APOOL: variants seen among roughly 807,000 people sequenced by gnomAD.
The protein encoded by APOOL is apolipoprotein O like.
APOOL carries 12 observed loss-of-function variants against 23.1 expected under a neutral mutation model. That is an observed-to-expected ratio of 0.52 (90% confidence interval 0.33 to 0.84). The LOEUF (loss-of-function observed/expected upper bound fraction) is 0.84. Ranked by LOEUF, APOOL falls within the 40% of genes least tolerant of loss-of-function variation. The pLI is 0.02. For synonymous variants in APOOL, 77 were observed against 69.9 expected, an observed-to-expected ratio of 1.10 and a Z score of -0.51; for missense variants, 212 against 199.6, an observed-to-expected ratio of 1.06 and a Z score of -0.37.
At chrX:85,003,950 A>T (rs918810361) in intron 1 of APOOL, 23 bp downstream of exon 1, 2 of 1,211,088 alleles carry the variant, frequency 1.7e-6, no homozygotes, top group Admixed American at 4.3e-5. Flanking sequence ...CAACTTGCTT[A>T]ATTTCTGTGG....
intron 2 of APOOL, among the ~76,000 whole-genome samples, chrX:85,049,502 C>T (rs948742965): frequency 1.8e-5 from 2 of 111,509 alleles, no homozygotes; most frequent in African/African-American, 3.3e-5. Context: ...AACCTGAACC[C>T]GTGAGGCGCA....
chrX:85,069,313 T>G (rs776431602), intron 6 of APOOL, among the ~76,000 whole-genome samples: 11 of 111,236 alleles, frequency 9.9e-5, no homozygotes, highest in African/African-American at 3.6e-4. Context: ...GACCAGTAGT[T>G]AACAATTAAT....
intron 6 of APOOL, among the ~76,000 whole-genome samples, chrX:85,069,106 A>G (rs1190542246): frequency 2.7e-5 from 3 of 111,650 alleles, no homozygotes; most frequent in Admixed American, 9.5e-5. Flanking sequence ...TTGTTACTTT[A>G]ATTCTTAGAG....
intron 1 of APOOL, among the ~76,000 whole-genome samples, chrX:85,010,026 A>T (rs1921222503): frequency 9.0e-6 from 1 of 111,432 alleles, no homozygotes; most frequent in Non-Finnish European, 1.9e-5. Context: ...ATATGTACCA[A>T]TTTTTTTAAT....
At chrX:85,017,705 C>T (rs1242798868) in intron 1 of APOOL, among the ~76,000 whole-genome samples, 1 of 111,493 alleles carries the variant, frequency 9.0e-6, no homozygotes, top group Non-Finnish European at 1.9e-5. Flanking sequence ...TGAGTGCCTA[C>T]GAGGTCCTTC....
rs199706648 is a variant in APOOL at position 85,064,363 on chromosome X, A to AT, written c.395-2759dup. ...GGATTTTTTTTTTTTTTTTGAGGGG[A>AT]TTTTTGTGCCTTTGTCACCTTCAGC... On this transcript the variant is annotated intron_variant, in intron 5 of 8. Coordinates refer to ENST00000373173, the MANE Select transcript of APOOL (RefSeq NM_198450.6). Among the ~76,000 whole-genome samples, 693 of 47,634 alleles carry AT rather than the reference A, an allele frequency of 0.015. 60 individuals are homozygous for AT. The East Asian group carries it at 0.26, about 18-fold the overall frequency. 41.4% of individuals were successfully genotyped at this position (47,634 alleles called of 115,157 possible). A position where few individuals can be genotyped will look rare whatever the true frequency, so the allele number is the denominator to read the frequency against.
In APOOL at chrX:85,087,666, C is replaced by T; in HGVS notation, c.795C>T (p.Ser265=). 1.7e-6 allele frequency: 2 copies of T among 1,187,809 alleles called. No individual in the cohort carries two copies. The highest frequency in any genetic ancestry group is 2.3e-6 in the Non-Finnish European group (2 of 883,398). ...QSHPEDIDMY[S]TRS ...ACCCAGAAGATATAGATATGTACAG[C>T]ACTAGAAGCTGAAGTAGACTGCATG... Residue 265 remains serine (S), a synonymous_variant, in exon 9 of 9, where the codon AGC becomes AGT. Coordinates refer to ENST00000373173, the MANE Select transcript of APOOL (RefSeq NM_198450.6).
At chrX:85,020,337 C>T (rs778890790) in intron 1 of APOOL, among the ~76,000 whole-genome samples, 5 of 111,707 alleles carry the variant, frequency 4.5e-5, no homozygotes, top group South Asian at 3.8e-4. Flanking sequence ...GCAGGAGGGA[C>T]GGTCAGTTTT....
chrX:85,035,908 G>A (rs753290985), intron 1 of APOOL, among the ~76,000 whole-genome samples: 3 of 112,102 alleles, frequency 2.7e-5, no homozygotes, highest in Non-Finnish European at 5.6e-5. Context: ...AAGTCAGGAA[G>A]TGTGATGACA....
intron 1 of APOOL, among the ~76,000 whole-genome samples, chrX:85,004,682 A>G (rs1332690195): frequency 8.9e-6 from 1 of 112,075 alleles, no homozygotes; most frequent in African/African-American, 3.2e-5. Flanking sequence ...CTCATACTTC[A>G]TCTGAGTTAT....
chrX:85,087,449 A>C (rs1272984734), intron 8 of APOOL, 141 bp from the exon 9 acceptor site: 2 of 457,868 alleles, frequency 4.4e-6, no homozygotes, highest in African/African-American at 5.0e-5. Flanking sequence ...ATATTTAATT[A>C]GTTTGTCTGT....
At position 85,075,652 on chromosome X, in the gene APOOL, C is replaced by A. The variant is rs185522268; in HGVS notation, c.718+1261C>A. Among the ~76,000 whole-genome samples, 204 of 111,561 alleles carry A rather than the reference C, an allele frequency of 1.8e-3. 1 individual carries two copies. Among genetic ancestry groups the A allele is most frequent in the African/African-American group, 6.3e-3 (195 of 30,795 alleles). On this transcript the variant is annotated intron_variant, in intron 8 of 8. Coordinates refer to ENST00000373173, the MANE Select transcript of APOOL (RefSeq NM_198450.6). Reference sequence around the variant, plus strand: ...TAATGTATGGTCATTTTTCCACATGCCTTTTAATTCCAGAGTATCTTTATG... The same window carrying A: ...TAATGTATGGTCATTTTTCCACATGACTTTTAATTCCAGAGTATCTTTATG...
chrX:85,053,819 C>T (rs1922861038), intron 3 of APOOL, among the ~76,000 whole-genome samples: 1 of 111,587 alleles, frequency 9.0e-6, no homozygotes, highest in Non-Finnish European at 1.9e-5. Context: ...AGGATAAACA[C>T]TGGTCTATGT....
chrX:85,048,081 C>G (rs145331525), intron 2 of APOOL, among the ~76,000 whole-genome samples: 1 of 110,773 alleles, frequency 9.0e-6, no homozygotes, highest in African/African-American at 3.3e-5. Flanking sequence ...TTCTATAAGC[C>G]GAAGTGTAGG....
At chrX:85,085,842 A>C (rs1371931116) in intron 8 of APOOL, among the ~76,000 whole-genome samples, 1 of 111,854 alleles carries the variant, frequency 8.9e-6, no homozygotes, top group Non-Finnish European at 1.9e-5. Context: ...TAGTTGTATG[A>C]GATTTTTACT....
chrX:85,085,261 A>C (rs974949382), intron 8 of APOOL, among the ~76,000 whole-genome samples: 2 of 111,930 alleles, frequency 1.8e-5, no homozygotes, highest in Admixed American at 1.9e-4. Flanking sequence ...GGTACTGCTG[A>C]TACTACTGTG....
In APOOL at chrX:85,067,666, A is replaced by ACACACACG. The variant is rs1243692510; in HGVS notation, c.486+449_486+450insACACACGC. 3.7e-5 allele frequency among the ~76,000 whole-genome samples: 4 copies of ACACACACG among 107,854 alleles called. No individual in the cohort carries two copies. The East Asian group carries it at 1.1e-3, about 31-fold the overall frequency. The allele number at this position is 107,854 out of a possible 115,157, so 93.7% of individuals were successfully genotyped here. A position where few individuals can be genotyped will look rare whatever the true frequency, so the allele number is the denominator to read the frequency against. On this transcript the variant is annotated intron_variant, in intron 6 of 8. Transcript: ENST00000373173. ...CACACACACACACACACACACACACACGCACAGGAACTCAATATGGAAACC... is the reference window on the plus strand; with the variant it reads ...CACACACACACACACACACACACACACACACACGCGCACAGGAACTCAATATGGAAACC...
At chrX:85,043,436 C>T (rs1464350549) in intron 1 of APOOL, among the ~76,000 whole-genome samples, 12 of 106,966 alleles carry the variant, frequency 1.1e-4, no homozygotes, top group African/African-American at 4.1e-4. Context: ...TAAATGGCCA[C>T]ATGGTAAATG....
intron 1 of APOOL, among the ~76,000 whole-genome samples, chrX:85,011,168 A>G (rs58792305): frequency 0.053 from 5,906 of 110,856 alleles, 363 homozygotes; most frequent in African/African-American, 0.18. Context: ...CATGACCTTC[A>G]CCTACTTTTT....
Sources: allele counts gnomAD v4.1 joint callset (sites outside exome capture counted in the v4.1 genomes callset), GRCh38; gene constraint gnomAD v4.1.1; transcripts MANE v1.5; gene names NCBI Gene and HGNC (gene_info 2026-07-23, HGNC 2026-07-21).